The following CDH26 variants were observed in gnomAD, a reference collection of about 807,000 sequenced individuals.
The protein encoded by CDH26 is cadherin-like protein 26.
Under a neutral mutation model 90.3 loss-of-function variants are expected in CDH26, and 83 were observed. The ratio of observed to expected loss-of-function variants is 0.92; its 90% CI spans 0.77 to 1.10. The LOEUF (loss-of-function observed/expected upper bound fraction) is 1.10. Ranked by LOEUF, CDH26 falls within the 50% of genes least tolerant of loss-of-function variation. The pLI is 0.00. For synonymous variants in CDH26, 397 were observed against 396.3 expected (o/e 1.00, Z -0.02); for missense variants, 1,013 against 1,037.6 (o/e 0.98, Z 0.33).
chr20:60,000,331 A>G (rs1412865780), intron 14 of CDH26, among the ~76,000 whole-genome samples: 1 of 152,216 alleles, frequency 6.6e-6, no homozygotes, highest in African/African-American at 2.4e-5. Flanking sequence ...TCCATTCTAT[A>G]ACTAGTAGGT....
Position 59,984,308 on chromosome 20 carries a change from T to A in CDH26, c.542-331T>A, listed in dbSNP as rs560479080. On this transcript the variant is annotated intron_variant, in intron 5 of 17. Coordinates refer to ENST00000348616, the MANE Select transcript of CDH26 (RefSeq NM_177980.4). ...ACCTCTGCAGTCTATATTAAGAATA[T>A]CTGCCTGCCATGTATGTTTCAGATA... 7.9e-5 allele frequency among the ~76,000 whole-genome samples: 12 copies of A among 152,378 alleles called. No individual in the cohort carries two copies. In the South Asian group the frequency reaches 2.5e-3, roughly 32 times the overall value.
chr20:60,027,978 C>A (rs987066604), intron 7 of CDH26, among the ~76,000 whole-genome samples: 6 of 152,204 alleles, frequency 3.9e-5, no homozygotes, highest in Admixed American at 3.9e-4. Flanking sequence ...TCTGACCAGA[C>A]AACTGGACAG....
chr20:59,994,501 T>A lies in CDH26; in HGVS notation c.1666+12T>A, dbSNP rs761863066. 1 of 1,613,412 alleles carries A rather than the reference T, an allele frequency of 6.2e-7. No individual in the cohort carries two copies. Among genetic ancestry groups the A allele is most frequent in the Non-Finnish European group, 8.5e-7 (1 of 1,179,732 alleles). On this transcript the variant is annotated intron_variant, in intron 11 of 17. Transcript: ENST00000348616. ...GGGGAGAAATTGGGGTGAGTTTTTG[T>A]ATTGGTTACGGGCAAAGAGTGGAAA...
At chr20:60,027,056 G>A (rs1170011138) in intron 7 of CDH26, among the ~76,000 whole-genome samples, 1 of 152,188 alleles carries the variant, frequency 6.6e-6, no homozygotes, top group Non-Finnish European at 1.5e-5. Flanking sequence ...CAGCGTGTAT[G>A]TGTGTGTGTT....
chr20:60,009,183 A>G (rs1261829669), intron 17 of CDH26, among the ~76,000 whole-genome samples: 1 of 152,214 alleles, frequency 6.6e-6, no homozygotes. Context: ...CTCCAATGGT[A>G]AAGGCACGAG....
chr20:59,976,043 C>A (rs1212757358), intron 4 of CDH26, among the ~76,000 whole-genome samples: 1 of 152,160 alleles, frequency 6.6e-6, no homozygotes, highest in Non-Finnish European at 1.5e-5. Context: ...GAATACAAAG[C>A]TACCCCAAAA....
downstream of CDH26, among the ~76,000 whole-genome samples, chr20:60,018,825 A>G (rs894295658): frequency 1.0e-4 from 14 of 140,240 alleles, no homozygotes; most frequent in African/African-American, 3.8e-4. Context: ...ATAGTTTTGC[A>G]TGTTTTCATG....
intron 4 of CDH26, among the ~76,000 whole-genome samples, chr20:59,979,124 A>G (rs1347714122): frequency 6.6e-6 from 1 of 151,202 alleles, no homozygotes; most frequent in Non-Finnish European, 1.5e-5. Flanking sequence ...TTAAGTCTAG[A>G]TTTTTTTCAC....
intron 17 of CDH26, among the ~76,000 whole-genome samples, chr20:60,010,892 C>G (rs195010): frequency 2.6e-5 from 4 of 152,180 alleles, no homozygotes; most frequent in African/African-American, 9.7e-5. Flanking sequence ...TCTGCCACCA[C>G]TCAGAACTGG....
chr20:60,009,865 A>G (rs2061806755), intron 17 of CDH26, among the ~76,000 whole-genome samples: 1 of 151,998 alleles, frequency 6.6e-6, no homozygotes, highest in Non-Finnish European at 1.5e-5. Context: ...ATTCAGCTTC[A>G]CTGCAAGGAC....
intron 1 of CDH26, among the ~76,000 whole-genome samples, chr20:59,968,007 CTT>C (rs1394550967): frequency 6.7e-5 from 8 of 118,834 alleles, no homozygotes; most frequent in African/African-American, 1.7e-4. Context: ...TTCTTTCTTT[CTT>C]TCTTCCTTTC....
Position 60,012,640 on chromosome 20 carries a change from A to G in CDH26, c.2409A>G (p.Glu803=). The part of the protein sequence containing the change: ...APSLSSLASL[E]QELQPDLLDS... ...CCCTCAGCTCTCTGGCCAGCTTGGA[A>G]CAGGAGTTGCAACCTGATTTGCTGG... Residue 803 remains glutamate, a synonymous_variant, in exon 18 of 18, where the codon GAA becomes GAG. Transcript: ENST00000348616. 1 of 1,613,934 alleles carries G rather than the reference A, an allele frequency of 6.2e-7. No homozygotes were observed. The highest frequency in any genetic ancestry group is 2.2e-5 in the East Asian group (1 of 44,848).
In CDH26 at chr20:60,014,224, A is replaced by G. The variant is rs1363961865; in HGVS notation, c.*1494A>G. 2.6e-5 allele frequency: 4 copies of G among 152,172 alleles called. No homozygotes were observed. The highest frequency in any genetic ancestry group is 9.7e-5 in the African/African-American group (4 of 41,430). 9.4% of individuals were successfully genotyped at this position (152,172 alleles called of 1,614,324 possible). ...GGGGTACATAGTCATGTTTCAATAC[A>G]TTTACAGTGATCAGATCAGGGTGGT... On this transcript the variant is annotated 3_prime_UTR_variant, in exon 18 of 18. Coordinates refer to ENST00000348616, the MANE Select transcript of CDH26 (RefSeq NM_177980.4).
downstream of CDH26, among the ~76,000 whole-genome samples, chr20:60,019,404 T>G (rs1336499281): frequency 1.3e-5 from 2 of 152,190 alleles, no homozygotes; most frequent in Non-Finnish European, 2.9e-5. Context: ...TTCATTCTTT[T>G]TTTGTCTGCC....
Position 59,988,995 on chromosome 20 carries a change from A to G in CDH26, c.1115A>G (p.Gln372Arg). The G allele has an allele frequency of 6.2e-7, 1 of 1,614,228 alleles. No homozygotes were observed. The highest frequency in any genetic ancestry group is 1.6e-4 in the Middle Eastern group (1 of 6,062). ...RLVFCERGKL[Q>R]PPRKAAASAT... Reference sequence around the variant, plus strand: ...GTCTTCTGTGAGAGAGGAAAGCTTCAGCCGCCAAGGAAGGCAGCAGCCAGC... The same window carrying G: ...GTCTTCTGTGAGAGAGGAAAGCTTCGGCCGCCAAGGAAGGCAGCAGCCAGC... Residue 372 changes from glutamine to arginine, a missense_variant, in exon 9 of 18, where the codon CAG (glutamine) becomes CGG (arginine). Physicochemically the swap from Gln to Arg is conservative, Grantham distance 43. Coordinates refer to ENST00000348616, the MANE Select transcript of CDH26 (RefSeq NM_177980.4).
At chr20:59,968,253 A>T (rs1468865818) in intron 1 of CDH26, among the ~76,000 whole-genome samples, 5 of 151,820 alleles carry the variant, frequency 3.3e-5, no homozygotes, top group Admixed American at 3.3e-4. Context: ...GCGTGCCACC[A>T]TGGCCGGCTA....
At chr20:60,001,130 C>T (rs569162848) in intron 14 of CDH26, among the ~76,000 whole-genome samples, 2 of 152,270 alleles carry the variant, frequency 1.3e-5, no homozygotes, top group South Asian at 4.2e-4. Context: ...TCCTGCCATG[C>T]GGTTCCATTG....
In CDH26 at chr20:59,988,992, T is replaced by G. The variant is rs895234097; in HGVS notation, c.1112T>G (p.Leu371Arg). 1 of 1,614,024 alleles carries G rather than the reference T, an allele frequency of 6.2e-7. No homozygotes were observed. The highest frequency in any genetic ancestry group is 1.3e-5 in the African/African-American group (1 of 74,894). ...CTCGTCTTCTGTGAGAGAGGAAAGC[T>G]TCAGCCGCCAAGGAAGGCAGCAGCC... Reference protein sequence around the residue: ...ERLVFCERGKLQPPRKAAASA... With the variant: ...ERLVFCERGKRQPPRKAAASA... The change falls in exon 9 of 18, where the codon CTT becomes CGT. Residue 371 changes from leucine to arginine, a missense_variant. By Grantham distance (102) the Leu-to-Arg change is moderately radical. Coordinates refer to ENST00000348616, the MANE Select transcript of CDH26 (RefSeq NM_177980.4).
chr20:59,983,071 G>C lies in CDH26; in HGVS notation c.541+1G>C. On this transcript the variant is annotated splice_donor_variant, in intron 5 of 17. Coordinates refer to ENST00000348616, the MANE Select transcript of CDH26 (RefSeq NM_177980.4). LOFTEE classifies it high-confidence loss of function. ...ACTGTGCAAGAAAACCAATCTGCAG[G>C]TGTGTGCGGCTGGGGGGCTGCCGGG... 2 of 1,613,834 alleles carry C rather than the reference G, an allele frequency of 1.2e-6. No individual in the cohort carries two copies. Among genetic ancestry groups the C allele is most frequent in the Middle Eastern group, 1.7e-4 (1 of 6,060 alleles).
Sources: allele counts gnomAD v4.1 joint callset (sites outside exome capture counted in the v4.1 genomes callset), GRCh38; gene constraint gnomAD v4.1.1; transcripts MANE v1.5; gene names NCBI Gene and HGNC (gene_info 2026-07-23, HGNC 2026-07-21).